RET: variants seen among roughly 807,000 people sequenced by gnomAD.
RET encodes the protein ret proto-oncogene.
In RET, 19 loss-of-function variants were observed where a neutral mutation model predicts 118.3. That is an observed-to-expected ratio of 0.16 (90% CI 0.11 to 0.24). The LOEUF is 0.24. Ranked by LOEUF, RET falls within the 10% of genes least tolerant of loss-of-function variation. RET has a pLI of 1.00. For synonymous variants in RET, 597 were observed against 644.1 expected, an observed-to-expected ratio of 0.93 and a Z score of 1.11; for missense variants, 1,219 against 1,502.1, an observed-to-expected ratio of 0.81 and a Z score of 3.12.
intron 15 of RET, 32 bp downstream of exon 15, chr10:43,120,235 C>A (rs779735436): frequency 6.2e-7 from 1 of 1,610,144 alleles, no homozygotes; most frequent in Non-Finnish European, 8.5e-7. Flanking sequence ...GCGGGGCTCC[C>A]AGGGATCCCA....
At chr10:43,089,002 A>G (rs1180945920) in intron 1 of RET, among the ~76,000 whole-genome samples, 1 of 152,076 alleles carries the variant, frequency 6.6e-6, no homozygotes, top group Non-Finnish European at 1.5e-5. Flanking sequence ...TGCAGCCCAG[A>G]GCAGTCCCTT....
rs568899039 is a variant in RET, at chr10:43,116,188, G to A, written c.2137-396G>A. Among the ~76,000 whole-genome samples, 126 of 152,346 alleles carry A rather than the reference G, an allele frequency of 8.3e-4. No homozygotes were observed. The Middle Eastern group carries it at 0.017, about 21-fold the overall frequency. On this transcript the variant is annotated intron_variant, in intron 11 of 19. Coordinates refer to ENST00000355710, the MANE Select transcript of RET (RefSeq NM_020975.6). ...GAGCAGTGCTTCCACACTCTGAGGC[G>A]GAACATGGTGGCGCCTTTCTTTGCA...
In RET at chr10:43,102,367, C is replaced by T. The variant is rs1837658478; in HGVS notation, c.363C>T (p.Val121=). The T allele has an allele frequency of 6.2e-7, 1 of 1,614,228 alleles. No individual in the cohort carries two copies. The highest frequency in any genetic ancestry group is 8.5e-7 in the Non-Finnish European group (1 of 1,180,044). The change falls in exon 3 of 20, where the codon GTC becomes GTT. Residue 121 remains valine (V), a synonymous_variant. Transcript: ENST00000355710. The part of the protein sequence containing the change: ...VRNRGFPLLT[V]YLKVFLSPTS... ...ACCGCGGCTTTCCCCTGCTCACCGTCTACCTCAAGGTCTTCCTGTCACCCA... is the reference window on the plus strand; with the variant it reads ...ACCGCGGCTTTCCCCTGCTCACCGTTTACCTCAAGGTCTTCCTGTCACCCA...
chr10:43,125,959 G>A (rs192791669), intron 18 of RET, among the ~76,000 whole-genome samples: 8 of 152,328 alleles, frequency 5.3e-5, no homozygotes, highest in Admixed American at 2.0e-4. Flanking sequence ...GGGCCCCTCT[G>A]TGCACATTCA....
At chr10:43,103,117 G>A (rs1049739783) in intron 3 of RET, among the ~76,000 whole-genome samples, 3 of 152,196 alleles carry the variant, frequency 2.0e-5, no homozygotes, top group Non-Finnish European at 2.9e-5. Flanking sequence ...TGCACTGAGC[G>A]ACAGGGAAGA....
chr10:43,077,707 G>C (rs1837079926), intron 1 of RET, among the ~76,000 whole-genome samples: 1 of 152,214 alleles, frequency 6.6e-6, no homozygotes, highest in Non-Finnish European at 1.5e-5. Context: ...ACGGGTCAGG[G>C]AGCCCCGAAA....
At chr10:43,091,902 A>G (rs1052199621) in intron 1 of RET, among the ~76,000 whole-genome samples, 17 of 152,006 alleles carry the variant, frequency 1.1e-4, no homozygotes, top group Non-Finnish European at 2.9e-5. Context: ...TGGAAGGTAA[A>G]TAGTGTAGCT....
rs1838409426 is a variant in RET at position 43,129,797 on chromosome 10, G to A, written c.*1528G>A. On this transcript the variant is annotated 3_prime_UTR_variant, in exon 20 of 20. Transcript: ENST00000355710. ...CTTGTGGTGTGTGCGCACACACCCA[G>A]AGGGAGAGTTTGAAAAATGCTTATT... 4 of 376,224 alleles carry A rather than the reference G, an allele frequency of 1.1e-5. No individual in the cohort carries two copies. Among genetic ancestry groups the A allele is most frequent in the Non-Finnish European group, 1.9e-5 (4 of 214,506 alleles). The allele number at this position is 376,224 out of a possible 1,614,324, so 23.3% of individuals were successfully genotyped here. A position where few individuals can be genotyped will look rare whatever the true frequency, so the allele number is the denominator to read the frequency against.
intron 7 of RET, 80 bp downstream of exon 7, chr10:43,111,545 A>C: frequency 6.7e-7 from 1 of 1,482,592 alleles, no homozygotes; most frequent in Non-Finnish European, 9.1e-7. Context: ...TGAGAAAAGC[A>C]GTACAGCTGC....
chr10:43,100,862 G>A (rs1046588581), intron 2 of RET, 140 bp downstream of exon 2: 2 of 923,724 alleles, frequency 2.2e-6, no homozygotes, highest in African/African-American at 1.6e-5. Flanking sequence ...GTTAAGTGAG[G>A]CTGGCCTGCC....
chr10:43,127,996 G>T, intron 19 of RET, 116 bp from the exon 20 acceptor site: 2 of 1,026,968 alleles, frequency 1.9e-6, no homozygotes, highest in Non-Finnish European at 3.1e-6. Context: ...AATATAATTG[G>T]CACAGAAACC....
At chr10:43,081,783 C>G (rs984710097) in intron 1 of RET, among the ~76,000 whole-genome samples, 1 of 152,202 alleles carries the variant, frequency 6.6e-6, no homozygotes, top group Non-Finnish European at 1.5e-5. Context: ...CTGGCTCCCC[C>G]ACTAGAACAG....
At chr10:43,078,043 G>T (rs1267717204) in intron 1 of RET, among the ~76,000 whole-genome samples, 1 of 152,248 alleles carries the variant, frequency 6.6e-6, no homozygotes, top group Admixed American at 6.5e-5. Context: ...TTGGGGTGGG[G>T]CAGGGGTTTG....
chr10:43,125,876 G>A (rs1235354072), intron 18 of RET, among the ~76,000 whole-genome samples: 2 of 152,324 alleles, frequency 1.3e-5, no homozygotes, highest in South Asian at 2.1e-4. Flanking sequence ...AGAATGCAGC[G>A]TTGTTCAAAA....
chr10:43,123,599 G>T (rs1588879440), intron 16 of RET, 72 bp from the exon 17 acceptor site: 1 of 1,601,678 alleles, frequency 6.2e-7, no homozygotes. Flanking sequence ...GGTGGGGGTG[G>T]ATATCTGGGC....
Position 43,105,103 on chromosome 10 carries a change from G to A in RET, c.777G>A (p.Pro259=), listed in dbSNP as rs1279646689. ...AREEVVMVPF[P]VTVYDEDDSA... is the part of the protein sequence containing the mutation. The stretch of plus-strand genomic sequence containing the variant: ...AGGAGGTGGTGATGGTGCCCTTCCC[G>A]GTGACCGTGTACGACGAGGACGACT... Residue 259 remains proline, a synonymous_variant, in exon 4 of 20, where the codon CCG becomes CCA. Transcript: ENST00000355710. 5.6e-6 allele frequency: 9 copies of A among 1,612,162 alleles called. No homozygotes were observed. In the African/African-American group the frequency reaches 9.3e-5, roughly 17 times the overall value.
intron 17 of RET, among the ~76,000 whole-genome samples, chr10:43,124,620 T>C (rs939009008): frequency 6.6e-6 from 1 of 152,178 alleles, no homozygotes; most frequent in Non-Finnish European, 1.5e-5. Context: ...TGAATCTCCC[T>C]TGGAGGGAAG....
In RET at chr10:43,077,301, T is replaced by TTGCTGC. The variant is rs768132465; in HGVS notation, c.53_58dup (p.Leu18_Leu19dup). ...CGGTGCCGCGGGGCTGCGTCTGCTG[T>TTGCTGC]TGCTGCTGCTGCTGCCGCTGCTAGG... On this transcript the variant is annotated inframe_insertion, in exon 1 of 20. Transcript: ENST00000355710. 9 of 1,511,750 alleles carry TTGCTGC rather than the reference T, an allele frequency of 6.0e-6. No individual in the cohort carries two copies. Among genetic ancestry groups the TTGCTGC allele is most frequent in the Admixed American group, 2.1e-5 (1 of 48,722 alleles). 93.6% of individuals were successfully genotyped at this position (1,511,750 alleles called of 1,614,324 possible).
intron 7 of RET, 78 bp from the exon 8 acceptor site, chr10:43,112,021 T>C (rs2132793425): frequency 6.5e-7 from 1 of 1,540,956 alleles, no homozygotes; most frequent in South Asian, 1.2e-5. Flanking sequence ...CAGCTGGTGC[T>C]GTTCCCTGTC....
Sources: gnomAD v4.1 joint callset for allele counts (sites outside exome capture counted in the v4.1 genomes callset) on GRCh38, gnomAD v4.1.1 for gene constraint, MANE v1.5 for transcripts, NCBI Gene and HGNC (gene_info 2026-07-23, HGNC 2026-07-21) for gene names.